The following CNTN6 variants were observed in gnomAD, a reference collection of about 807,000 sequenced individuals.
The protein encoded by CNTN6 is contactin 6, also known as contactin-6.
Under a neutral mutation model 122.8 loss-of-function variants are expected in CNTN6, and 137 were observed. That is an observed-to-expected ratio of 1.12 (90% CI 0.97 to 1.29). The LOEUF is 1.29. CNTN6 is among the 50% of genes most tolerant of loss of function. The pLI is 0.00. For synonymous variants in CNTN6, 570 were observed against 426.0 expected (o/e 1.34, Z -4.16); for missense variants, 1,634 against 1,223.4 (o/e 1.34, Z -5.01).
At chr3:1,382,872 C>T (rs552407987) in intron 17 of CNTN6, 70 bp from the exon 18 acceptor site, 178 of 1,006,156 alleles carry the variant, frequency 1.8e-4, no homozygotes, top group Admixed American at 3.5e-4. Context: ...GTGAAATAAT[C>T]AATAAACATT....
In CNTN6 at chr3:1,397,284, G is replaced by C. The variant is rs546091209; in HGVS notation, c.2705-4149G>C. On this transcript the variant is annotated intron_variant, in intron 20 of 22. Coordinates refer to ENST00000446702, the MANE Select transcript of CNTN6 (RefSeq NM_001289080.2). ...AAAGAACAGTGAAGAAAATAAATGAGAAACTAAGATGTACATAAGGAGCAT... is the reference window on the plus strand; with the variant it reads ...AAAGAACAGTGAAGAAAATAAATGACAAACTAAGATGTACATAAGGAGCAT... 7.2e-5 allele frequency among the ~76,000 whole-genome samples: 11 copies of C among 152,174 alleles called. No individual in the cohort carries two copies. The East Asian group carries it at 2.1e-3, about 29-fold the overall frequency.
At chr3:1,123,896 T>G (rs10446433) in intron 1 of CNTN6, among the ~76,000 whole-genome samples, 60,650 of 151,734 alleles carry the variant, frequency 0.4, 12,634 homozygotes, top group East Asian at 0.48. Context: ...CATGAAAGTG[T>G]TTTGGACTGT....
At chr3:1,345,972 C>T (rs1243225798) in intron 11 of CNTN6, among the ~76,000 whole-genome samples, 58 of 151,522 alleles carry the variant, frequency 3.8e-4, no homozygotes, top group Admixed American at 3.6e-3. Context: ...TATAATTGCC[C>T]GATGACCTGA....
intron 5 of CNTN6, among the ~76,000 whole-genome samples, chr3:1,289,681 T>G (rs1694959327): frequency 6.7e-6 from 1 of 149,666 alleles, no homozygotes; most frequent in Non-Finnish European, 1.5e-5. Context: ...TTTGGGTTTT[T>G]TTTTTTTTTT....
chr3:1,368,236 CT>C (rs1708509405), intron 12 of CNTN6, among the ~76,000 whole-genome samples: 1 of 152,112 alleles, frequency 6.6e-6, no homozygotes, highest in African/African-American at 2.4e-5. Context: ...CATGAAGTCC[CT>C]TTCAATTTCT....
At chr3:1,319,543 G>T (rs910801900) in intron 7 of CNTN6, among the ~76,000 whole-genome samples, 1 of 151,530 alleles carries the variant, frequency 6.6e-6, no homozygotes, top group East Asian at 2.0e-4. Context: ...AATGACTTCT[G>T]TCTTCACAAT....
chr3:1,208,659 C>T (rs1458320148), intron 2 of CNTN6, among the ~76,000 whole-genome samples: 4 of 152,062 alleles, frequency 2.6e-5, no homozygotes, highest in Non-Finnish European at 4.4e-5. Context: ...TGCCTAGACT[C>T]AAAATTGAGC....
chr3:1,383,518 T>A, intron 19 of CNTN6, 110 bp downstream of exon 19: 2 of 792,386 alleles, frequency 2.5e-6, no homozygotes, highest in African/African-American at 3.4e-5. Flanking sequence ...TGATAATGTG[T>A]GTCTAAAGCT....
chr3:1,165,434 T>C (rs919820483), intron 2 of CNTN6, among the ~76,000 whole-genome samples: 26 of 152,238 alleles, frequency 1.7e-4, no homozygotes, highest in Admixed American at 2.6e-4. Flanking sequence ...TGCTGTCCCT[T>C]TGCTGCAGAA....
At chr3:1,398,562 T>C (rs1045104680) in intron 20 of CNTN6, among the ~76,000 whole-genome samples, 1 of 152,102 alleles carries the variant, frequency 6.6e-6, no homozygotes, top group East Asian at 1.9e-4. Flanking sequence ...CGAACACAAC[T>C]GAAAAATTGA....
chr3:1,215,041 G>A (rs187176111), intron 2 of CNTN6, among the ~76,000 whole-genome samples: 21 of 152,292 alleles, frequency 1.4e-4, no homozygotes, highest in African/African-American at 4.6e-4. Flanking sequence ...TTACAGGCAT[G>A]AGCCCCTGTG....
chr3:1,299,074 A>G (rs1696766454), intron 7 of CNTN6, among the ~76,000 whole-genome samples: 1 of 152,192 alleles, frequency 6.6e-6, no homozygotes, highest in Non-Finnish European at 1.5e-5. Context: ...ATATCTTTGA[A>G]TGAAATTTCT....
At chr3:1,154,524 A>C (rs2092920004) in intron 2 of CNTN6, among the ~76,000 whole-genome samples, 1 of 150,662 alleles carries the variant, frequency 6.6e-6, no homozygotes, top group Middle Eastern at 3.4e-3. Context: ...GCTCACTGCA[A>C]CCTCTGCCTC....
chr3:1,250,607 C>T (rs2094649452), intron 4 of CNTN6, among the ~76,000 whole-genome samples: 1 of 152,136 alleles, frequency 6.6e-6, no homozygotes, highest in Non-Finnish European at 1.5e-5. Flanking sequence ...CTTAGGTCAC[C>T]CCTCATTGCC....
chr3:1,125,761 C>T (rs1017582838), intron 1 of CNTN6, among the ~76,000 whole-genome samples: 1 of 151,384 alleles, frequency 6.6e-6, no homozygotes, highest in African/African-American at 2.4e-5. Flanking sequence ...CTTAGCTTTC[C>T]ACTTAATCTA....
intron 2 of CNTN6, among the ~76,000 whole-genome samples, chr3:1,217,738 T>G (rs1397017328): frequency 6.6e-6 from 1 of 152,152 alleles, no homozygotes; most frequent in East Asian, 1.9e-4. Context: ...GCTGGTGCCT[T>G]CTCTGGGCTG....
chr3:1,352,472 G>T, intron 12 of CNTN6, 21 bp downstream of exon 12: 1 of 1,608,426 alleles, frequency 6.2e-7, no homozygotes, highest in Non-Finnish European at 8.5e-7. Flanking sequence ...ATCTTCATTT[G>T]TGCTTGATGA....
intron 2 of CNTN6, among the ~76,000 whole-genome samples, chr3:1,157,257 G>C (rs1053617798): frequency 6.7e-6 from 1 of 149,180 alleles, no homozygotes; most frequent in Non-Finnish European, 1.5e-5. Flanking sequence ...TGTCTCTGTT[G>C]CCCAGGCTGG....
chr3:1,284,144 A>C (rs1446543597), intron 5 of CNTN6, among the ~76,000 whole-genome samples: 2 of 152,208 alleles, frequency 1.3e-5, no homozygotes, highest in African/African-American at 4.8e-5. Flanking sequence ...ATTGATGCCA[A>C]AAGTTTGGAT....
Sources: allele counts gnomAD v4.1 joint callset (sites outside exome capture counted in the v4.1 genomes callset), GRCh38; gene constraint gnomAD v4.1.1; transcripts MANE v1.5; gene names NCBI Gene and HGNC (gene_info 2026-07-23, HGNC 2026-07-21).